The following RSPO2 variants were observed in gnomAD, a reference collection of about 807,000 sequenced individuals.
RSPO2 encodes R-spondin-2.
Under a neutral mutation model 30.9 loss-of-function variants are expected in RSPO2, and 14 were observed. The ratio of observed to expected loss-of-function variants is 0.45; its 90% CI spans 0.30 to 0.71. The LOEUF (loss-of-function observed/expected upper bound fraction) is 0.71, where lower values mean the gene tolerates loss of function less well. RSPO2 is among the 30% of genes least tolerant of loss of function. RSPO2 has a pLI of 0.08. For synonymous variants in RSPO2, 107 were observed against 96.4 expected (o/e 1.11, Z -0.64); for missense variants, 264 against 301.9 (o/e 0.87, Z 0.93).
At chr8:108,033,103 G>A (rs576931787) in intron 2 of RSPO2, among the ~76,000 whole-genome samples, 1 of 144,336 alleles carries the variant, frequency 6.9e-6, no homozygotes, top group Non-Finnish European at 1.5e-5. Context: ...GTCTCGCTAT[G>A]TTACCCAAGC....
chr8:107,987,467 G>C (rs1377079254), intron 3 of RSPO2, among the ~76,000 whole-genome samples: 1 of 152,118 alleles, frequency 6.6e-6, no homozygotes, highest in Admixed American at 6.5e-5. Flanking sequence ...CCTCCCACTA[G>C]GCACATGCTC....
At chr8:108,057,805 T>C (rs1469069560) in intron 2 of RSPO2, among the ~76,000 whole-genome samples, 1 of 143,992 alleles carries the variant, frequency 6.9e-6, no homozygotes, top group African/African-American at 2.5e-5. Flanking sequence ...GTTTGTTCTT[T>C]TAAGAGTACT....
At chr8:108,064,442 T>C (rs1812588740) in intron 2 of RSPO2, among the ~76,000 whole-genome samples, 1 of 152,194 alleles carries the variant, frequency 6.6e-6, no homozygotes, top group Non-Finnish European at 1.5e-5. Flanking sequence ...TCACTGGCCA[T>C]CAGAGAAATG....
At chr8:108,027,930 C>T (rs1811276700) in intron 2 of RSPO2, among the ~76,000 whole-genome samples, 1 of 152,156 alleles carries the variant, frequency 6.6e-6, no homozygotes. Flanking sequence ...ACCTTTCATT[C>T]CCAGCCTAGT....
chr8:107,970,361 A>C (rs1813953011), intron 3 of RSPO2, among the ~76,000 whole-genome samples: 1 of 152,210 alleles, frequency 6.6e-6, no homozygotes, highest in African/African-American at 2.4e-5. Context: ...GGGCCCTAAC[A>C]AAAAGATAGC....
chr8:107,997,117 C>T (rs1249904061), intron 2 of RSPO2: 1 of 228,706 alleles, frequency 4.4e-6, no homozygotes, highest in Non-Finnish European at 8.9e-6. Context: ...ACAGACTTTT[C>T]CATTTAATTC....
intron 3 of RSPO2, among the ~76,000 whole-genome samples, chr8:107,976,440 T>C (rs1410830032): frequency 1.3e-5 from 2 of 152,224 alleles, no homozygotes; most frequent in African/African-American, 2.4e-5. Flanking sequence ...TGTTTACAAA[T>C]ACTATAGAGT....
chr8:107,923,352 C>T (rs566666997), intron 5 of RSPO2, among the ~76,000 whole-genome samples: 4 of 152,230 alleles, frequency 2.6e-5, no homozygotes, highest in African/African-American at 9.6e-5. Context: ...AAATGCAAAT[C>T]AAAACCACAA....
intron 2 of RSPO2, among the ~76,000 whole-genome samples, chr8:108,016,752 T>C (rs1178066403): frequency 6.6e-6 from 1 of 152,144 alleles, no homozygotes; most frequent in Non-Finnish European, 1.5e-5. Context: ...CTTGGAGCTG[T>C]CCTGGCAATA....
intron 2 of RSPO2, among the ~76,000 whole-genome samples, chr8:108,050,385 GTTTC>G (rs529869465): frequency 6.6e-6 from 1 of 151,992 alleles, no homozygotes; most frequent in Non-Finnish European, 1.5e-5. Flanking sequence ...ATAATCTCCT[GTTTC>G]TTTCATAGGA....
chr8:108,028,373 C>A (rs980182311), intron 2 of RSPO2, among the ~76,000 whole-genome samples: 6 of 152,106 alleles, frequency 3.9e-5, no homozygotes, highest in Non-Finnish European at 8.8e-5. Context: ...ACTGTAAATC[C>A]CAAAGCAACT....
chr8:108,056,367 C>A (rs1309257558), intron 2 of RSPO2, among the ~76,000 whole-genome samples: 1 of 151,902 alleles, frequency 6.6e-6, no homozygotes, highest in East Asian at 1.9e-4. Context: ...ACCTGTAATC[C>A]CAGCACTTTG....
rs1188088646 is a variant in RSPO2 at position 108,082,770 on chromosome 8, G to T, written c.-132C>A. The T allele has an allele frequency of 4.5e-6, 3 of 671,748 alleles. No homozygotes were observed. Among genetic ancestry groups the T allele is most frequent in the Non-Finnish European group, 5.1e-6 (2 of 388,634 alleles). The allele number at this position is 671,748 out of a possible 1,614,324, so 41.6% of individuals were successfully genotyped here. On this transcript the variant is annotated 5_prime_UTR_variant, in exon 2 of 6. Transcript: ENST00000276659. Reference sequence around the variant, plus strand: ...TCGCCACTCACCCCCGGGCCGCACCGGTCAGTTCAGCGCGATCAGCATCTC... The same window carrying T: ...TCGCCACTCACCCCCGGGCCGCACCTGTCAGTTCAGCGCGATCAGCATCTC...
chr8:108,004,180 G>T (rs1458077840), intron 2 of RSPO2, among the ~76,000 whole-genome samples: 1 of 152,154 alleles, frequency 6.6e-6, no homozygotes, highest in East Asian at 1.9e-4. Context: ...GATAATGGGG[G>T]AAACTGAGTT....
rs748977793 is a variant in RSPO2 at position 107,923,766 on chromosome 8, CA to C, written c.617-22577del. On this transcript the variant is annotated intron_variant, in intron 5 of 5. Coordinates refer to ENST00000276659, the MANE Select transcript of RSPO2 (RefSeq NM_178565.5). ...AAAAAGAACAAGAGCATGTCCTTTGCAAGAACAAGAGCATGTCCTTTGCAAG... is the reference window on the plus strand; with the variant it reads ...AAAAAGAACAAGAGCATGTCCTTTGCAGAACAAGAGCATGTCCTTTGCAAG... 2.6e-3 allele frequency among the ~76,000 whole-genome samples: 306 copies of C among 118,302 alleles called. 2 individuals are homozygous for C. Among genetic ancestry groups the C allele is most frequent in the African/African-American group, 7.5e-3 (293 of 38,928 alleles). 77.6% of individuals were successfully genotyped at this position (118,302 alleles called of 152,430 possible).
chr8:107,939,421 T>C (rs566542011), intron 5 of RSPO2, among the ~76,000 whole-genome samples: 100 of 151,402 alleles, frequency 6.6e-4, no homozygotes, highest in Non-Finnish European at 7.5e-4. Context: ...GGCTCAATGA[T>C]GAAAAAGTTA....
chr8:107,978,442 T>C (rs1814293747), intron 3 of RSPO2, among the ~76,000 whole-genome samples: 1 of 152,092 alleles, frequency 6.6e-6, no homozygotes, highest in South Asian at 2.1e-4. Context: ...GATTCCCTAT[T>C]TAATAAATGG....
intron 2 of RSPO2, among the ~76,000 whole-genome samples, chr8:108,059,240 A>C (rs987619599): frequency 8.6e-5 from 13 of 152,046 alleles, no homozygotes; most frequent in African/African-American, 2.9e-4. Context: ...CCAAAAAAAA[A>C]CATGAAAAAA....
chr8:108,052,096 C>A (rs1040354122), intron 2 of RSPO2, among the ~76,000 whole-genome samples: 6 of 152,174 alleles, frequency 3.9e-5, no homozygotes, highest in Non-Finnish European at 7.4e-5. Flanking sequence ...GTGAAACAAA[C>A]CTACTTATAT....
Sources: gnomAD v4.1 joint callset for allele counts (sites outside exome capture counted in the v4.1 genomes callset) on GRCh38, gnomAD v4.1.1 for gene constraint, MANE v1.5 for transcripts, NCBI Gene and HGNC (gene_info 2026-07-23, HGNC 2026-07-21) for gene names.